Variants in PRLR observed in about 807,000 individuals in gnomAD.
PRLR encodes the protein hPRL receptor.
PRLR carries 13 observed loss-of-function variants against 40.2 expected under a neutral mutation model. That is an observed-to-expected ratio of 0.32 (90% CI 0.21 to 0.51). PRLR has a LOEUF of 0.51. PRLR is among the 20% of genes least tolerant of loss of function. PRLR has a pLI of 0.97. For synonymous variants in PRLR, 269 were observed against 278.7 expected, an observed-to-expected ratio of 0.97 and a Z score of 0.35; for missense variants, 656 against 747.3, an observed-to-expected ratio of 0.88 and a Z score of 1.42.
chr5:35,083,515 T>G (rs1393205017), intron 5 of PRLR, among the ~76,000 whole-genome samples: 6 of 148,472 alleles, frequency 4.0e-5, no homozygotes, highest in African/African-American at 1.5e-4. Flanking sequence ...AAATTCTTTC[T>G]TTTCTTTTCT....
intron 2 of PRLR, among the ~76,000 whole-genome samples, chr5:35,099,268 C>CAT (rs1771713408): frequency 1.3e-5 from 2 of 152,128 alleles, no homozygotes; most frequent in African/African-American, 4.8e-5. Flanking sequence ...CTGTAGACTG[C>CAT]ATATATGGTG....
intron 1 of PRLR, among the ~76,000 whole-genome samples, chr5:35,173,953 G>C (rs1379075993): frequency 6.6e-6 from 1 of 151,892 alleles, no homozygotes; most frequent in Non-Finnish European, 1.5e-5. Context: ...ATTTACATTA[G>C]GTATATCTCC....
chr5:35,054,687 T>C (rs911263289), downstream of PRLR, among the ~76,000 whole-genome samples: 12 of 152,170 alleles, frequency 7.9e-5, no homozygotes, highest in African/African-American at 2.9e-4. Context: ...TAATAGATTG[T>C]ATAGATGTAT....
intron 8 of PRLR, chr5:35,049,533 T>C (rs1236897023): frequency 1.7e-6 from 1 of 600,166 alleles, no homozygotes; most frequent in African/African-American, 1.9e-5. Context: ...TGTACTTCTG[T>C]TAAACAAACT....
Position 35,089,604 on chromosome 5 carries a change from G to A in PRLR, c.17C>T (p.Ala6Val), listed in dbSNP as rs757065631. The A allele has an allele frequency of 1.9e-6, 3 of 1,614,084 alleles. No homozygotes were observed. In the South Asian group the frequency reaches 3.3e-5, roughly 18 times the overall value. Residue 6 changes from alanine to valine, a missense_variant, in exon 3 of 10, where the codon GCA (alanine) becomes GTA (valine). Transcript: ENST00000618457. MKENVASATVFTLLLF... is the reference protein window; with the variant it reads MKENVVSATVFTLLLF... ...TAGCAGAGTGAAAACGGTTGCAGATGCCACATTTTCCTTCATGTTGGCTGC... is the reference window on the plus strand; with the variant it reads ...TAGCAGAGTGAAAACGGTTGCAGATACCACATTTTCCTTCATGTTGGCTGC...
rs770683134 is a variant in PRLR, at chr5:35,056,527, C to T, written c.*8562G>A. 3 of 152,160 alleles carry T rather than the reference C, an allele frequency of 2.0e-5. No individual in the cohort carries two copies. The highest frequency in any genetic ancestry group is 2.9e-5 in the Non-Finnish European group (2 of 68,018). The allele number at this position is 152,160 out of a possible 1,614,324, so 9.4% of individuals were successfully genotyped here. A position where few individuals can be genotyped will look rare whatever the true frequency, so the allele number is the denominator to read the frequency against. ...CTGGGGAGATTTAGAATGTATAAAA[C>T]TTGATTAGCAAGTTGTAGGAAACCT... On this transcript the variant is annotated 3_prime_UTR_variant, in exon 10 of 10. Coordinates refer to ENST00000618457, the MANE Select transcript of PRLR (RefSeq NM_000949.7).
intron 1 of PRLR, among the ~76,000 whole-genome samples, chr5:35,195,873 A>C (rs976996120): frequency 4.6e-5 from 7 of 152,102 alleles, no homozygotes; most frequent in African/African-American, 1.2e-4. Flanking sequence ...ACTTGCTCAC[A>C]TGTGTCTATT....
At chr5:35,098,671 T>G (rs1293659633) in intron 2 of PRLR, among the ~76,000 whole-genome samples, 2 of 152,234 alleles carry the variant, frequency 1.3e-5, no homozygotes, top group African/African-American at 2.4e-5. Context: ...TGTCTATTGT[T>G]ATATATTAAT....
At chr5:35,084,403 C>G in intron 5 of PRLR, 67 bp downstream of exon 5, 1 of 1,419,194 alleles carries the variant, frequency 7.0e-7, no homozygotes, top group East Asian at 2.6e-5. Context: ...AAGACTCAAA[C>G]TGAGTGTGAC....
At chr5:35,199,644 A>T (rs1775827183) in intron 1 of PRLR, among the ~76,000 whole-genome samples, 1 of 152,204 alleles carries the variant, frequency 6.6e-6, no homozygotes. Flanking sequence ...ATAGTTCTCT[A>T]AATAAAATCT....
rs576273215 is a variant in PRLR, at chr5:35,134,190, T to C, written c.-105-16068A>G. ...CAAAAACCTATGAAAATAAAAAAAA[T>C]AAACAACAAACAACAAAACCCTTCA... On this transcript the variant is annotated intron_variant, in intron 1 of 9. Coordinates refer to ENST00000618457, the MANE Select transcript of PRLR (RefSeq NM_000949.7). Among the ~76,000 whole-genome samples, 5 of 152,022 alleles carry C rather than the reference T, an allele frequency of 3.3e-5. No homozygotes were observed. In the South Asian group the frequency reaches 1.0e-3, roughly 32 times the overall value.
At chr5:35,189,098 G>C (rs1210544818) in intron 1 of PRLR, among the ~76,000 whole-genome samples, 1 of 152,082 alleles carries the variant, frequency 6.6e-6, no homozygotes, top group Non-Finnish European at 1.5e-5. Context: ...CATGCATGCA[G>C]GGGCAGCACC....
At chr5:35,089,090 C>T (rs567089387) in intron 3 of PRLR, among the ~76,000 whole-genome samples, 1 of 152,306 alleles carries the variant, frequency 6.6e-6, no homozygotes, top group African/African-American at 2.4e-5. Flanking sequence ...ATAATAGAGT[C>T]GGCTGTACCT....
chr5:35,199,936 G>A (rs1775835199), intron 1 of PRLR, among the ~76,000 whole-genome samples: 1 of 152,162 alleles, frequency 6.6e-6, no homozygotes, highest in Non-Finnish European at 1.5e-5. Flanking sequence ...TAGGAAATGG[G>A]GTTGATCTCA....
chr5:35,164,916 A>T (rs963798530), intron 1 of PRLR, among the ~76,000 whole-genome samples: 1 of 152,180 alleles, frequency 6.6e-6, no homozygotes, highest in Non-Finnish European at 1.5e-5. Context: ...ATTGAAAGAG[A>T]GTAATCAAAG....
Position 35,064,831 on chromosome 5 carries a change from A to G in PRLR, c.*258T>C. 1 of 464,092 alleles carries G rather than the reference A, an allele frequency of 2.2e-6. No individual in the cohort carries two copies. Among genetic ancestry groups the G allele is most frequent in the Non-Finnish European group, 3.8e-6 (1 of 261,930 alleles). The allele number at this position is 464,092 out of a possible 1,614,324, so 28.7% of individuals were successfully genotyped here. On this transcript the variant is annotated 3_prime_UTR_variant, in exon 10 of 10. Transcript: ENST00000618457. ...GCATTGTCCCTCAAGAATACTAAGC[A>G]GTGTGCTTTTATTTCATTGAACACA...
At chr5:35,224,565 G>A (rs2111685515) in intron 1 of PRLR, among the ~76,000 whole-genome samples, 1 of 152,258 alleles carries the variant, frequency 6.6e-6, no homozygotes, top group African/African-American at 2.4e-5. Context: ...CTACATAAAG[G>A]CAACTCCTCC....
In PRLR at chr5:35,188,555, C is replaced by T. The variant is rs118063264; in HGVS notation, c.-106+41713G>A. ...GGCAGTTGTTTTTCCCTGGTTGGGG[C>T]GACTTGCATGGTTCTGTGTACACAG... On this transcript the variant is annotated intron_variant, in intron 1 of 9. Coordinates refer to ENST00000618457, the MANE Select transcript of PRLR (RefSeq NM_000949.7). 0.012 allele frequency among the ~76,000 whole-genome samples: 1,897 copies of T among 152,272 alleles called. 76 individuals carry two copies. The East Asian group carries it at 0.15, about 12-fold the overall frequency.
chr5:35,144,576 C>A (rs1774123237), intron 1 of PRLR, among the ~76,000 whole-genome samples: 1 of 152,054 alleles, frequency 6.6e-6, no homozygotes, highest in South Asian at 2.1e-4. Flanking sequence ...GCCTCAGCCT[C>A]CCAAGTAGCT....
Sources: gnomAD v4.1 joint callset for allele counts (sites outside exome capture counted in the v4.1 genomes callset) on GRCh38, gnomAD v4.1.1 for gene constraint, MANE v1.5 for transcripts, NCBI Gene and HGNC (gene_info 2026-07-23, HGNC 2026-07-21) for gene names.